DLG2: variants seen among roughly 807,000 people sequenced by gnomAD.
The protein encoded by DLG2 is discs large MAGUK scaffold protein 2.
Under a neutral mutation model 132.5 loss-of-function variants are expected in DLG2, and 45 were observed. The ratio of observed to expected loss-of-function variants is 0.34; its 90% confidence interval spans 0.27 to 0.44. DLG2 has a LOEUF of 0.44. Ranked by LOEUF, DLG2 falls within the 20% of genes least tolerant of loss-of-function variation. The probability of loss-of-function intolerance (pLI) is 1.00; values close to 1 mark genes in which losing one functional copy is unlikely to be tolerated. For synonymous variants in DLG2, 424 were observed against 419.6 expected, an observed-to-expected ratio of 1.01 and a Z score of -0.13; for missense variants, 1,045 against 1,196.9, an observed-to-expected ratio of 0.87 and a Z score of 1.87.
chr11:83,592,289 A>T (rs1458988452), intron 19 of DLG2, among the ~76,000 whole-genome samples: 1 of 150,674 alleles, frequency 6.6e-6, no homozygotes, highest in African/African-American at 2.4e-5. Flanking sequence ...TGGTACCAAA[A>T]CAGAGATATA....
At chr11:84,495,400 T>C (rs749139368) in intron 7 of DLG2, among the ~76,000 whole-genome samples, 8 of 152,122 alleles carry the variant, frequency 5.3e-5, no homozygotes, top group Admixed American at 6.6e-5. Flanking sequence ...GTATAAACCA[T>C]CATTTCCCCT....
intron 6 of DLG2, among the ~76,000 whole-genome samples, chr11:84,544,017 A>G (rs2099384548): frequency 6.6e-6 from 1 of 152,250 alleles, no homozygotes. Context: ...AGGATGCTTC[A>G]TGAATATTTA....
chr11:84,293,128 A>AGT lies in DLG2; in HGVS notation c.520-41839_520-41838dup, dbSNP rs148952296. ...AGGATCTTAAGCAGAATGACAAGGC[A>AGT]GTGTGTGTGTGTGTCGGGTGTGGGG... On this transcript the variant is annotated intron_variant, in intron 7 of 27. Coordinates refer to ENST00000376104, the MANE Select transcript of DLG2 (RefSeq NM_001142699.3). 1.7e-3 allele frequency among the ~76,000 whole-genome samples: 263 copies of AGT among 151,412 alleles called. 1 individual carries two copies. Among genetic ancestry groups the AGT allele is most frequent in the African/African-American group, 4.2e-3 (173 of 41,334 alleles).
chr11:84,095,723 G>A (rs542220064), intron 10 of DLG2, among the ~76,000 whole-genome samples: 23 of 152,288 alleles, frequency 1.5e-4, no homozygotes, highest in Non-Finnish European at 2.9e-4. Context: ...TCTATAAAAT[G>A]TATGTCTTGG....
chr11:85,153,503 C>T (rs2077399776), intron 5 of DLG2, among the ~76,000 whole-genome samples: 1 of 152,086 alleles, frequency 6.6e-6, no homozygotes, highest in South Asian at 2.1e-4. Context: ...TTCATTGTTT[C>T]TCACTAGGAC....
At chr11:83,506,475 G>GA (rs2094706872) in intron 21 of DLG2, among the ~76,000 whole-genome samples, 1 of 152,110 alleles carries the variant, frequency 6.6e-6, no homozygotes, top group Non-Finnish European at 1.5e-5. Flanking sequence ...CTCCCTCTAG[G>GA]CACCAGCCAG....
At chr11:84,718,910 C>A (rs2061503399) in intron 6 of DLG2, among the ~76,000 whole-genome samples, 1 of 152,240 alleles carries the variant, frequency 6.6e-6, no homozygotes, top group African/African-American at 2.4e-5. Flanking sequence ...TTAGTATGGG[C>A]AATATATTTT....
chr11:84,273,700 C>T (rs1256685439), intron 7 of DLG2, among the ~76,000 whole-genome samples: 2 of 152,122 alleles, frequency 1.3e-5, no homozygotes, highest in Admixed American at 6.5e-5. Context: ...GTTATATACA[C>T]ACATATATGT....
intron 6 of DLG2, among the ~76,000 whole-genome samples, chr11:84,695,370 C>T (rs573442752): frequency 3.4e-4 from 51 of 151,694 alleles, no homozygotes; most frequent in African/African-American, 1.2e-3. Context: ...GCAAACACAA[C>T]ATTGGAAGCA....
intron 7 of DLG2, among the ~76,000 whole-genome samples, chr11:84,414,027 A>C (rs1221709242): frequency 1.3e-5 from 2 of 152,242 alleles, no homozygotes; most frequent in Middle Eastern, 3.4e-3. Flanking sequence ...CCCATCTCTT[A>C]TATATGCAGA....
intron 7 of DLG2, among the ~76,000 whole-genome samples, chr11:84,365,190 T>C (rs918585806): frequency 2.6e-5 from 4 of 152,070 alleles, no homozygotes; most frequent in Admixed American, 6.6e-5. Context: ...CAATTTCAGA[T>C]CCTTTTATTG....
chr11:84,367,450 G>A (rs1035919921), intron 7 of DLG2, among the ~76,000 whole-genome samples: 1 of 152,090 alleles, frequency 6.6e-6, no homozygotes, highest in Non-Finnish European at 1.5e-5. Flanking sequence ...TCCCATTCAA[G>A]CAGGATGATT....
chr11:84,624,022 G>A (rs1047464384), intron 6 of DLG2, among the ~76,000 whole-genome samples: 3 of 152,282 alleles, frequency 2.0e-5, no homozygotes, highest in East Asian at 1.9e-4. Flanking sequence ...ATTATTTACT[G>A]AGATGCTTAC....
At chr11:84,122,752 T>C (rs2093987277) in intron 9 of DLG2, among the ~76,000 whole-genome samples, 1 of 152,140 alleles carries the variant, frequency 6.6e-6, no homozygotes, top group Non-Finnish European at 1.5e-5. Flanking sequence ...CAATTTGAGG[T>C]AGCAAATTAA....
At chr11:84,831,526 G>T (rs968094833) in intron 6 of DLG2, among the ~76,000 whole-genome samples, 1 of 151,462 alleles carries the variant, frequency 6.6e-6, no homozygotes, top group Non-Finnish European at 1.5e-5. Flanking sequence ...ATGAAGTCAC[G>T]AATATAAACT....
chr11:83,804,557 C>T (rs1278249886), intron 17 of DLG2, among the ~76,000 whole-genome samples: 1 of 118,290 alleles, frequency 8.5e-6, no homozygotes, highest in African/African-American at 3.0e-5. Context: ...TCTCCACTTA[C>T]CTACCTATCT....
intron 7 of DLG2, among the ~76,000 whole-genome samples, chr11:84,411,136 T>C (rs1391428712): frequency 6.6e-6 from 1 of 152,134 alleles, no homozygotes; most frequent in South Asian, 2.1e-4. Flanking sequence ...TGGAAAAACA[T>C]ACACCCTGCT....
chr11:84,506,650 A>G (rs976894456), intron 7 of DLG2, among the ~76,000 whole-genome samples: 1 of 152,212 alleles, frequency 6.6e-6, no homozygotes, highest in African/African-American at 2.4e-5. Context: ...CTGACATCCC[A>G]AACTGTAAGA....
intron 3 of DLG2, among the ~76,000 whole-genome samples, chr11:85,522,408 G>A (rs559326632): frequency 8.1e-4 from 123 of 152,348 alleles, no homozygotes; most frequent in South Asian, 1.0e-3. Context: ...AGGGCAGTGC[G>A]GAAGGGAAAT....
Sources: allele counts gnomAD v4.1 joint callset (sites outside exome capture counted in the v4.1 genomes callset), GRCh38; gene constraint gnomAD v4.1.1; transcripts MANE v1.5; gene names NCBI Gene and HGNC (gene_info 2026-07-23, HGNC 2026-07-21).